PSMA4: variants seen among roughly 807,000 people sequenced by gnomAD.
The protein encoded by PSMA4 is proteasome 20S subunit alpha 4.
In PSMA4, 8 loss-of-function variants were observed where a neutral mutation model predicts 37.2. The observed-to-expected ratio is 0.22, with a 90% CI of 0.13 to 0.39. PSMA4 has a LOEUF of 0.39. PSMA4 is among the 10% of genes least tolerant of loss of function. PSMA4 has a pLI of 1.00. For missense variants in PSMA4, 169 were observed against 305.1 expected (o/e 0.55, Z 3.32); for synonymous variants, 93 against 98.8 (o/e 0.94, Z 0.35).
At chr15:78,544,554 C>T (rs1026156305) in intron 5 of PSMA4, 4 of 432,082 alleles carry the variant, frequency 9.3e-6, no homozygotes, top group African/African-American at 8.1e-5. Flanking sequence ...CTGCCTTGGC[C>T]TCCCAAAGTG....
At chr15:78,543,580 T>TC in intron 4 of PSMA4, among the ~76,000 whole-genome samples, 2 of 150,614 alleles carry the variant, frequency 1.3e-5, no homozygotes, top group African/African-American at 4.9e-5. Context: ...TTTTTTTTTT[T>TC]TTTTTTGAGA....
In PSMA4 at chr15:78,542,238, A is replaced by C. The variant is rs756312985; in HGVS notation, c.46+19A>C. 2 of 1,580,898 alleles carry C rather than the reference A, an allele frequency of 1.3e-6. No individual in the cohort carries two copies. The highest frequency in any genetic ancestry group is 2.7e-5 in the African/African-American group (2 of 72,966). ...CCAGAAGGTAAAATAGAAATTGTTT[A>C]ATCTGCCTCAAGTTTAAAAATAAAT... is the stretch of plus-strand genomic sequence containing the variant. On this transcript the variant is annotated intron_variant, in intron 3 of 8. Coordinates refer to ENST00000044462, the MANE Select transcript of PSMA4 (RefSeq NM_002789.6).
At chr15:78,548,009 C>T (rs2141379421) in intron 8 of PSMA4, among the ~76,000 whole-genome samples, 1 of 152,158 alleles carries the variant, frequency 6.6e-6, no homozygotes, top group Admixed American at 6.5e-5. Context: ...GTGGGTGGAT[C>T]ACCTGAGGTC....
intron 1 of PSMA4, chr15:78,541,493 C>A: frequency 4.9e-6 from 1 of 204,038 alleles, no homozygotes; most frequent in Non-Finnish European, 1.0e-5. Flanking sequence ...GCCTCCGTAC[C>A]CTTTGTTCAT....
rs2052615422 is a variant in PSMA4 at position 78,549,597 on chromosome 15, C to G, written c.*653C>G. The stretch of plus-strand genomic sequence containing the variant: ...CTGTGGCTTCATGACAGAAGTGATA[C>G]AGGGCAGTGGTACTTAATGCGTAGC... On this transcript the variant is annotated 3_prime_UTR_variant, in exon 9 of 9. Transcript: ENST00000044462. 1 of 152,266 alleles carries G rather than the reference C, an allele frequency of 6.6e-6. No individual in the cohort carries two copies. Among genetic ancestry groups the G allele is most frequent in the African/African-American group, 2.4e-5 (1 of 41,460 alleles). 9.4% of individuals were successfully genotyped at this position (152,266 alleles called of 1,614,324 possible).
chr15:78,541,908 CTATA>C lies in PSMA4; in HGVS notation c.-17_-14del, dbSNP rs761447947. 3 of 1,585,918 alleles carry C rather than the reference CTATA, an allele frequency of 1.9e-6. No homozygotes were observed. The highest frequency in any genetic ancestry group is 8.6e-7 in the Non-Finnish European group (1 of 1,157,148). On this transcript the variant is annotated 5_prime_UTR_variant, in exon 2 of 9. Transcript: ENST00000044462. ...TGATCTGATTTTCTTTTTACAGGAACTATATAAAGTTCAGAAAACATGGTGAGTT... is the reference window on the plus strand; with the variant it reads ...TGATCTGATTTTCTTTTTACAGGAACTAAAGTTCAGAAAACATGGTGAGTT...
At position 78,549,041 on chromosome 15, in the gene PSMA4, A is replaced by G. The variant is rs2052607007; in HGVS notation, c.*97A>G. On this transcript the variant is annotated 3_prime_UTR_variant, in exon 9 of 9. Coordinates refer to ENST00000044462, the MANE Select transcript of PSMA4 (RefSeq NM_002789.6). ...AGGCTTTACTTTTTTTAACTGGTGC[A>G]GTGGGAAAATAGGACATTACATACT... The G allele has an allele frequency of 3.5e-6, 5 of 1,447,734 alleles. No individual in the cohort carries two copies. In the East Asian group the frequency reaches 1.2e-4, roughly 36 times the overall value. 89.7% of individuals were successfully genotyped at this position (1,447,734 alleles called of 1,614,324 possible). A position where few individuals can be genotyped will look rare whatever the true frequency, so the allele number is the denominator to read the frequency against.
rs184492223 is a variant in PSMA4, at chr15:78,549,904, A to C, written c.*960A>C. The C allele has an allele frequency of 3.4e-3, 517 of 152,730 alleles. 1 individual carries two copies. Among genetic ancestry groups the C allele is most frequent in the Non-Finnish European group, 6.1e-3 (419 of 68,292 alleles). The allele number at this position is 152,730 out of a possible 1,614,324, so 9.5% of individuals were successfully genotyped here. The stretch of plus-strand genomic sequence containing the variant: ...CAGGTGATTTCCATCAGCTAGGGTG[A>C]GTGCATTGAGCCATCATTTACCCTT... On this transcript the variant is annotated 3_prime_UTR_variant, in exon 9 of 9. Transcript: ENST00000044462.
intron 4 of PSMA4, chr15:78,543,951 G>T: frequency 2.6e-6 from 1 of 389,062 alleles, no homozygotes; most frequent in Non-Finnish European, 4.6e-6. Flanking sequence ...TTCATAGGTG[G>T]TAATGATAAA....
rs1268848566 is a variant in PSMA4, at chr15:78,549,449, G to T, written c.*505G>T. Reference sequence around the variant, plus strand: ...CACAGGCAGCAGCTCAAGCTGCGCGGAAGATGAGGTGTAGAAGTTAAGGCC... The same window carrying T: ...CACAGGCAGCAGCTCAAGCTGCGCGTAAGATGAGGTGTAGAAGTTAAGGCC... On this transcript the variant is annotated 3_prime_UTR_variant, in exon 9 of 9. Coordinates refer to ENST00000044462, the MANE Select transcript of PSMA4 (RefSeq NM_002789.6). 1 of 152,400 alleles carries T rather than the reference G, an allele frequency of 6.6e-6. No homozygotes were observed. Among genetic ancestry groups the T allele is most frequent in the Non-Finnish European group, 1.5e-5 (1 of 68,190 alleles). The allele number at this position is 152,400 out of a possible 1,614,324, so 9.4% of individuals were successfully genotyped here.
intron 3 of PSMA4, 81 bp downstream of exon 3, chr15:78,542,300 T>G: frequency 6.8e-7 from 1 of 1,473,384 alleles, no homozygotes; most frequent in Non-Finnish European, 9.3e-7. Context: ...ACAAACTTTT[T>G]TTGGTAGTTG....
intron 4 of PSMA4, 40 bp from the exon 5 acceptor site, chr15:78,544,150 A>G (rs374696938): frequency 1.1e-5 from 16 of 1,484,952 alleles, no homozygotes; most frequent in East Asian, 4.5e-5. Context: ...CCTTGCAAGC[A>G]TCTTCCCTGC....
At chr15:78,547,386 ATATT>A (rs2052572343) in intron 8 of PSMA4, among the ~76,000 whole-genome samples, 1 of 152,214 alleles carries the variant, frequency 6.6e-6, no homozygotes, top group South Asian at 2.1e-4. Context: ...ATGTAGTTAT[ATATT>A]TATACATAGG....
chr15:78,543,667 C>T (rs759415682), intron 4 of PSMA4, among the ~76,000 whole-genome samples: 5 of 150,356 alleles, frequency 3.3e-5, no homozygotes, highest in Non-Finnish European at 5.9e-5. Context: ...CTCCTGGGCT[C>T]AAGTGATCCT....
chr15:78,544,534 C>T (rs1234258464), intron 5 of PSMA4: 6 of 413,254 alleles, frequency 1.5e-5, no homozygotes, highest in Admixed American at 8.4e-5. Flanking sequence ...TTCCTGACCT[C>T]GTGATCCGCC....
intron 2 of PSMA4, 97 bp from the exon 3 acceptor site, chr15:78,542,080 T>C: frequency 6.8e-7 from 1 of 1,470,996 alleles, no homozygotes; most frequent in African/African-American, 1.4e-5. Flanking sequence ...TATTGAACTT[T>C]GTATACCAGG....
chr15:78,542,008 AAAATTG>A (rs2052462154), intron 2 of PSMA4, 78 bp downstream of exon 2: 12 of 1,528,020 alleles, frequency 7.9e-6, no homozygotes, highest in Non-Finnish European at 1.1e-5. Flanking sequence ...CTTGAGTGGG[AAAATTG>A]AAATAGAAGG....
intron 8 of PSMA4, among the ~76,000 whole-genome samples, chr15:78,548,462 G>T (rs2052595115): frequency 1.3e-5 from 2 of 152,036 alleles, no homozygotes; most frequent in Non-Finnish European, 2.9e-5. Flanking sequence ...GAAGATTCTG[G>T]CTGAGCCCTC....
intron 1 of PSMA4, chr15:78,541,442 A>T (rs894523707): frequency 3.7e-5 from 6 of 163,378 alleles, no homozygotes; most frequent in Non-Finnish European, 8.0e-5. Flanking sequence ...TATATATTTT[A>T]AAAGCATCAG....
Sources: allele counts gnomAD v4.1 joint callset (sites outside exome capture counted in the v4.1 genomes callset), GRCh38; gene constraint gnomAD v4.1.1; transcripts MANE v1.5; gene names NCBI Gene and HGNC (gene_info 2026-07-23, HGNC 2026-07-21).